PPP1CC: variants seen among roughly 807,000 people sequenced by gnomAD.
PPP1CC encodes the protein protein phosphatase 1 catalytic subunit gamma, also known as serine/threonine-protein phosphatase PP1-gamma catalytic subunit.
A neutral mutation model predicts 38.4 loss-of-function variants in PPP1CC; 16 were observed. The ratio of observed to expected loss-of-function variants is 0.42; its 90% CI spans 0.28 to 0.63. PPP1CC has a LOEUF of 0.63. Ranked by LOEUF, PPP1CC falls within the 30% of genes least tolerant of loss-of-function variation. The probability of loss-of-function intolerance (pLI) is 0.25; values close to 1 mark genes in which losing one functional copy is unlikely to be tolerated. For missense variants in PPP1CC, 170 were observed against 391.3 expected (o/e 0.43, Z 4.77); for synonymous variants, 158 against 136.0 (o/e 1.16, Z -1.13).
rs368457783 is a variant in PPP1CC, at chr12:110,730,850, T to A, written c.188-91A>T. 64 of 841,100 alleles carry A rather than the reference T, an allele frequency of 7.6e-5. No homozygotes were observed. In the African/African-American group the frequency reaches 1.1e-3, roughly 14 times the overall value. The allele number at this position is 841,100 out of a possible 1,614,324, so 52.1% of individuals were successfully genotyped here. ...GGAAAGACATTCTTTAAATATTCAT[T>A]GTACAATGGCATTGACCTCTAGTAA... On this transcript the variant is annotated intron_variant, in intron 2 of 6. Coordinates refer to ENST00000335007, the MANE Select transcript of PPP1CC (RefSeq NM_002710.4).
At chr12:110,730,482 A>G in intron 3 of PPP1CC, 47 bp downstream of exon 3, 4 of 1,364,544 alleles carry the variant, frequency 2.9e-6, no homozygotes, top group Non-Finnish European at 4.1e-6. Context: ...TTTATGATAA[A>G]TATCTTAATT....
At chr12:110,712,666 A>AG in the PPP1CC span, among the ~76,000 whole-genome samples, 195 of 112,254 alleles carry the variant, frequency 1.7e-3, 2 homozygotes, top group East Asian at 3.0e-3. Context: ...AAAAAAAAAA[A>AG]GGGGGGGCAC....
At chr12:110,733,312 AT>A (rs2069902732) in intron 1 of PPP1CC, among the ~76,000 whole-genome samples, 1 of 152,150 alleles carries the variant, frequency 6.6e-6, no homozygotes. Flanking sequence ...TTCAACGTGA[AT>A]TTTTTTCAGC....
rs569670006 is a variant in PPP1CC, at chr12:110,742,518, G to A, written c.55+135C>T. On this transcript the variant is annotated intron_variant, in intron 1 of 6. Coordinates refer to ENST00000335007, the MANE Select transcript of PPP1CC (RefSeq NM_002710.4). ...CCTCCGGCTGCAGTCCCCGGCCCGT[G>A]GGCCAACTCGAGGAGCTCACTCCCC... is the stretch of plus-strand genomic sequence containing the variant. 12 of 698,304 alleles carry A rather than the reference G, an allele frequency of 1.7e-5. No homozygotes were observed. In the South Asian group the frequency reaches 1.8e-4, roughly 11 times the overall value. 43.3% of individuals were successfully genotyped at this position (698,304 alleles called of 1,614,324 possible).
intron 1 of PPP1CC, among the ~76,000 whole-genome samples, chr12:110,739,899 T>G (rs1327112955): frequency 6.6e-6 from 1 of 152,216 alleles, no homozygotes. Context: ...TGTGTAGTTA[T>G]TTAAATAACT....
chr12:110,722,764 T>C lies in PPP1CC; in HGVS notation c.524-69A>G. On this transcript the variant is annotated intron_variant, in intron 4 of 6. Transcript: ENST00000335007. This position sits in a 1 kb window ranked among gnomAD's most constrained non-coding sequence, Gnocchi z 5.4. ...TAAAAGGATACTACCCCTTCAAAAGTTCCATTTGTCTACAGAGAAATTCAA... is the reference window on the plus strand; with the variant it reads ...TAAAAGGATACTACCCCTTCAAAAGCTCCATTTGTCTACAGAGAAATTCAA... 8.5e-7 allele frequency: 1 copy of C among 1,171,688 alleles called. No individual in the cohort carries two copies. The highest frequency in any genetic ancestry group is 1.2e-6 in the Non-Finnish European group (1 of 841,312). The allele number at this position is 1,171,688 out of a possible 1,614,324, so 72.6% of individuals were successfully genotyped here.
In PPP1CC at chr12:110,742,828, G is replaced by T; in HGVS notation, c.-121C>A. On this transcript the variant is annotated 5_prime_UTR_variant, in exon 1 of 7. Coordinates refer to ENST00000335007, the MANE Select transcript of PPP1CC (RefSeq NM_002710.4). ...TGGCGGCGGTGGCAGCAGCCGCGGC[G>T]GGTCCCCCCCCTGCCACCCCGCTCC... The T allele has an allele frequency of 1.3e-6, 1 of 767,312 alleles. No homozygotes were observed. The highest frequency in any genetic ancestry group is 3.4e-5 in the East Asian group (1 of 29,534). The allele number at this position is 767,312 out of a possible 1,614,324, so 47.5% of individuals were successfully genotyped here. A position where few individuals can be genotyped will look rare whatever the true frequency, so the allele number is the denominator to read the frequency against.
At chr12:110,731,283 G>A (rs1020180461) in intron 2 of PPP1CC, among the ~76,000 whole-genome samples, 2 of 144,012 alleles carry the variant, frequency 1.4e-5, no homozygotes, top group East Asian at 2.1e-4. Context: ...TTAAAAACAT[G>A]AACACAAAGT....
chr12:110,739,882 G>A (rs1478964912), intron 1 of PPP1CC, among the ~76,000 whole-genome samples: 1 of 152,160 alleles, frequency 6.6e-6, no homozygotes. Flanking sequence ...TCAAAATGCC[G>A]TTTTACTGTG....
chr12:110,710,550 C>A, the PPP1CC span, among the ~76,000 whole-genome samples: 1 of 151,368 alleles, frequency 6.6e-6, no homozygotes, highest in Non-Finnish European at 1.5e-5. Flanking sequence ...AACCCCATCT[C>A]TACTAAAAAT....
At chr12:110,736,067 A>ACAAT (rs2069941030) in intron 1 of PPP1CC, among the ~76,000 whole-genome samples, 1 of 150,252 alleles carries the variant, frequency 6.7e-6, no homozygotes, top group Non-Finnish European at 1.5e-5. Flanking sequence ...TTGTCTCAAA[A>ACAAT]CAAACAAACA....
chr12:110,725,012 C>A, intron 3 of PPP1CC: 1 of 292,478 alleles, frequency 3.4e-6, no homozygotes, highest in African/African-American at 2.2e-5. Flanking sequence ...TGGCTTGAGC[C>A]CAGGAGTTCA....
rs767581137 is a variant in PPP1CC at position 110,722,176 on chromosome 12, C to A, written c.841G>T (p.Ala281Ser). The stretch of plus-strand genomic sequence containing the variant: ...AGTGTTTCATCCACACTCATCATGG[C>A]ACCTGCATTGTCAAACTCTCCGCAA... ...NYCGEFDNAG[A>S]MMSVDETLMC... The change falls in exon 6 of 7, where the codon GCC (alanine) becomes TCC (serine). Residue 281 changes from alanine to serine, a missense_variant. Ala to Ser is a moderately conservative substitution (Grantham distance 99, BLOSUM62 1). This residue lies in a region of PPP1CC where 117 missense variants were observed against 344.4 expected (regional missense o/e 0.34). Transcript: ENST00000335007. The surrounding 1 kb of genome is among the most constrained non-coding windows in gnomAD (Gnocchi z 5.4). 3 of 1,614,074 alleles carry A rather than the reference C, an allele frequency of 1.9e-6. No homozygotes were observed. Among genetic ancestry groups the A allele is most frequent in the African/African-American group, 2.7e-5 (2 of 74,944 alleles).
chr12:110,724,956 G>A, intron 3 of PPP1CC, 192 bp from the exon 4 acceptor site: 1 of 370,622 alleles, frequency 2.7e-6, no homozygotes, highest in Non-Finnish European at 5.1e-6. Flanking sequence ...GGGCGTGGTG[G>A]GTCAGACCTG....
At chr12:110,737,388 C>A (rs1451287424) in intron 1 of PPP1CC, among the ~76,000 whole-genome samples, 1 of 141,038 alleles carries the variant, frequency 7.1e-6, no homozygotes, top group Non-Finnish European at 1.5e-5. Flanking sequence ...GAGGCTGAGG[C>A]AGGAGAAATC....
Position 110,731,944 on chromosome 12 carries a change from CA to C in PPP1CC, c.56-44del, listed in dbSNP as rs780580370. ...CAATTAGTCCAATGAAGCCAAAATA[CA>C]AAATACAATACGAGATTTAGATAAA... On this transcript the variant is annotated intron_variant, in intron 1 of 6. Coordinates refer to ENST00000335007, the MANE Select transcript of PPP1CC (RefSeq NM_002710.4). 3.1e-6 allele frequency: 5 copies of C among 1,597,490 alleles called. No individual in the cohort carries two copies. In the South Asian group the frequency reaches 4.5e-5, roughly 14 times the overall value.
intron 2 of PPP1CC, among the ~76,000 whole-genome samples, 200 bp downstream of exon 2, chr12:110,731,570 A>T (rs1053442590): frequency 6.7e-6 from 1 of 150,100 alleles, no homozygotes; most frequent in Admixed American, 6.6e-5. Flanking sequence ...TATTTTTTTT[A>T]AAAATCTGAA....
chr12:110,715,631 CTTTT>C (rs1434985124), downstream of PPP1CC, among the ~76,000 whole-genome samples: 3 of 151,218 alleles, frequency 2.0e-5, no homozygotes, highest in African/African-American at 7.3e-5. Context: ...TACTTTTTTT[CTTTT>C]TTGAGACGGA....
At chr12:110,730,319 A>G (rs1397012642) in intron 3 of PPP1CC, among the ~76,000 whole-genome samples, 1 of 152,208 alleles carries the variant, frequency 6.6e-6, no homozygotes, top group East Asian at 1.9e-4. Context: ...AGATGGTGCT[A>G]CTGCACTCCA....
Sources: gnomAD v4.1 joint callset for allele counts (sites outside exome capture counted in the v4.1 genomes callset) on GRCh38, gnomAD v4.1.1 for gene constraint, gnomAD v4.1.1 regional missense constraint, Gnocchi (gnomAD v3.1) non-coding constraint, MANE v1.5 for transcripts, NCBI Gene and HGNC (gene_info 2026-07-23, HGNC 2026-07-21) for gene names.